Variants in PDZRN3 observed in about 807,000 individuals in gnomAD.
PDZRN3 encodes the protein E3 ubiquitin-protein ligase PDZRN3.
PDZRN3 carries 38 observed loss-of-function variants against 85.7 expected under a neutral mutation model. That is an observed-to-expected ratio of 0.44 (90% CI 0.34 to 0.58). PDZRN3 has a LOEUF of 0.58. Ranked by LOEUF, PDZRN3 falls within the 20% of genes least tolerant of loss-of-function variation. The probability of loss-of-function intolerance (pLI) is 0.01; values close to 1 mark genes in which losing one functional copy is unlikely to be tolerated. For missense variants in PDZRN3, 1,629 were observed against 1,506.4 expected, an observed-to-expected ratio of 1.08 and a Z score of -1.35; for synonymous variants, 759 against 638.0, an observed-to-expected ratio of 1.19 and a Z score of -2.86.
intron 3 of PDZRN3, among the ~76,000 whole-genome samples, chr3:73,594,567 C>A (rs1189354486): frequency 6.6e-6 from 1 of 152,152 alleles, no homozygotes; most frequent in Admixed American, 6.5e-5. Context: ...GAAGACTCAA[C>A]ATTTAGAATC....
At chr3:73,455,452 T>C (rs564004846) in intron 3 of PDZRN3, among the ~76,000 whole-genome samples, 1 of 152,332 alleles carries the variant, frequency 6.6e-6, no homozygotes, top group East Asian at 1.9e-4. Flanking sequence ...ATGTCCCGAC[T>C]CCACACTTGT....
At position 73,497,021 on chromosome 3, in the gene PDZRN3, A is replaced by G. The variant is rs145889104; in HGVS notation, c.919-92626T>C. 5.1e-3 allele frequency among the ~76,000 whole-genome samples: 773 copies of G among 152,226 alleles called. 5 individuals carry two copies. The highest frequency in any genetic ancestry group is 0.041 in the Middle Eastern group (12 of 294). ...AACAAATGAACTAAATTATATGGTG[A>G]CTCTGATGTTAAAATGTGACTAATA... On this transcript the variant is annotated intron_variant, in intron 3 of 9. Coordinates refer to ENST00000263666, the MANE Select transcript of PDZRN3 (RefSeq NM_015009.3).
intron 3 of PDZRN3, among the ~76,000 whole-genome samples, chr3:73,533,454 T>C (rs191004436): frequency 1.1e-4 from 16 of 152,312 alleles, no homozygotes; most frequent in Admixed American, 9.2e-4. Flanking sequence ...TTAAATCACA[T>C]ATCAATCTTT....
At chr3:73,499,773 A>G (rs1703940950) in intron 3 of PDZRN3, among the ~76,000 whole-genome samples, 1 of 152,000 alleles carries the variant, frequency 6.6e-6, no homozygotes, top group South Asian at 2.1e-4. Flanking sequence ...TGGGTTTCCC[A>G]CCTCCTAGTC....
chr3:73,570,951 G>A (rs999180753), intron 3 of PDZRN3, among the ~76,000 whole-genome samples: 38 of 152,298 alleles, frequency 2.5e-4, no homozygotes, highest in African/African-American at 9.1e-4. Flanking sequence ...GCTGTGGGCA[G>A]AAGAAAACTT....
At chr3:73,498,562 T>G (rs562200841) in intron 3 of PDZRN3, among the ~76,000 whole-genome samples, 1 of 152,096 alleles carries the variant, frequency 6.6e-6, no homozygotes, top group East Asian at 1.9e-4. Context: ...AAGGGGGAGA[T>G]GCTCCAAGCC....
At chr3:73,550,341 GT>G (rs1280535477) in intron 3 of PDZRN3, among the ~76,000 whole-genome samples, 1 of 152,170 alleles carries the variant, frequency 6.6e-6, no homozygotes, top group Non-Finnish European at 1.5e-5. Context: ...TCACGTTCAA[GT>G]TTGAGAATGG....
At chr3:73,448,334 C>T (rs1052547477) in intron 3 of PDZRN3, among the ~76,000 whole-genome samples, 2 of 152,216 alleles carry the variant, frequency 1.3e-5, no homozygotes, top group Non-Finnish European at 2.9e-5. Context: ...GGCTGGCTTG[C>T]AGCATTAATG....
chr3:73,603,459 G>A (rs958905973), intron 2 of PDZRN3, among the ~76,000 whole-genome samples: 3 of 152,090 alleles, frequency 2.0e-5, no homozygotes, highest in African/African-American at 7.2e-5. Flanking sequence ...CCAAGTGTAC[G>A]GATTAAATTT....
chr3:73,557,811 ACT>A (rs923696711), intron 3 of PDZRN3, among the ~76,000 whole-genome samples: 4 of 152,266 alleles, frequency 2.6e-5, no homozygotes, highest in South Asian at 2.1e-4. Context: ...AAATCACTTA[ACT>A]CTGTAATCAG....
intron 3 of PDZRN3, among the ~76,000 whole-genome samples, chr3:73,536,249 TAA>T (rs1265081331): frequency 6.6e-6 from 1 of 152,230 alleles, no homozygotes; most frequent in African/African-American, 2.4e-5. Flanking sequence ...TACATTGAAT[TAA>T]TAAAATATCA....
At chr3:73,485,997 T>C (rs1357650981) in intron 3 of PDZRN3, among the ~76,000 whole-genome samples, 2 of 152,244 alleles carry the variant, frequency 1.3e-5, no homozygotes, top group African/African-American at 2.4e-5. Context: ...TTAAAGCTAT[T>C]AGCAATGCCC....
chr3:73,563,469 A>AT (rs998841913), intron 3 of PDZRN3, among the ~76,000 whole-genome samples: 2 of 152,148 alleles, frequency 1.3e-5, no homozygotes, highest in African/African-American at 4.8e-5. Context: ...AAAACCTTAT[A>AT]TTTTTTAAAA....
chr3:73,569,937 C>T (rs557037467), intron 3 of PDZRN3, among the ~76,000 whole-genome samples: 1 of 152,240 alleles, frequency 6.6e-6, no homozygotes, highest in Admixed American at 6.5e-5. Flanking sequence ...GGATAAAAGG[C>T]AGGAGGCAGA....
At chr3:73,408,591 G>T (rs9819255) in intron 3 of PDZRN3, among the ~76,000 whole-genome samples, 5 of 150,224 alleles carry the variant, frequency 3.3e-5, no homozygotes, top group Admixed American at 6.6e-5. Context: ...TTGGAGGAGG[G>T]GGGGGGGTGC....
chr3:73,391,998 C>T (rs754609094), intron 5 of PDZRN3, among the ~76,000 whole-genome samples: 2 of 152,160 alleles, frequency 1.3e-5, no homozygotes, highest in Admixed American at 6.5e-5. Context: ...ATGGGGTCTT[C>T]GTGCCACTTT....
Position 73,489,680 on chromosome 3 carries a change from C to T in PDZRN3, c.919-85285G>A, listed in dbSNP as rs558941215. 2.8e-5 allele frequency among the ~76,000 whole-genome samples: 4 copies of T among 145,246 alleles called. No homozygotes were observed. In the East Asian group the frequency reaches 6.4e-4, roughly 23 times the overall value. On this transcript the variant is annotated intron_variant, in intron 3 of 9. Coordinates refer to ENST00000263666, the MANE Select transcript of PDZRN3 (RefSeq NM_015009.3). ...CTCCGCCTCTTCGGTTCAAGCGATT[C>T]TCCTGCTTCAGCCTCCCCAGTAGCT...
chr3:73,597,671 T>C (rs1702451125), intron 3 of PDZRN3, among the ~76,000 whole-genome samples: 1 of 150,694 alleles, frequency 6.6e-6, no homozygotes, highest in African/African-American at 2.5e-5. Context: ...GGATGGCCTC[T>C]ACAAGTCTTT....
At chr3:73,617,076 G>A (rs1702774635) in intron 1 of PDZRN3, among the ~76,000 whole-genome samples, 1 of 152,088 alleles carries the variant, frequency 6.6e-6, no homozygotes, top group South Asian at 2.1e-4. Flanking sequence ...AAAGACACGG[G>A]GCACCTAAAA....
Sources: gnomAD v4.1 joint callset for allele counts (sites outside exome capture counted in the v4.1 genomes callset) on GRCh38, gnomAD v4.1.1 for gene constraint, MANE v1.5 for transcripts, NCBI Gene and HGNC (gene_info 2026-07-23, HGNC 2026-07-21) for gene names.